Variants in PCBP3 observed in about 807,000 individuals in gnomAD.
PCBP3 encodes poly(rC)-binding protein 3.
In PCBP3, 25 loss-of-function variants were observed where a neutral mutation model predicts 52.7. That is an observed-to-expected ratio of 0.47 (90% CI 0.35 to 0.66). PCBP3 has a LOEUF of 0.66. PCBP3 is among the 30% of genes least tolerant of loss of function. The pLI is 0.01. For missense variants in PCBP3, 391 were observed against 490.3 expected (o/e 0.80, Z 1.91); for synonymous variants, 162 against 183.0 (o/e 0.89, Z 0.93).
chr21:45,913,951 T>G lies in PCBP3; in HGVS notation c.601T>G (p.Ser201Ala). Residue 201 changes from serine to alanine, a missense_variant and splice_region_variant, in exon 12 of 18, where the codon TCC (serine) becomes GCC (alanine). Physicochemically the swap from Ser to Ala is moderately conservative, Grantham distance 99 (BLOSUM62 1). Coordinates refer to ENST00000681687, the MANE Select transcript of PCBP3 (RefSeq NM_001384156.1). ...CTCCCTCTCCTGTCCCTTTTCCTAGTCCCCACCGAAAGGTGCCACCATTCC... is the reference window on the plus strand; with the variant it reads ...CTCCCTCTCCTGTCCCTTTTCCTAGGCCCCACCGAAAGGTGCCACCATTCC... ...VKQICVVMLE[S>A]PPKGATIPYR... 6.2e-7 allele frequency: 1 copy of G among 1,610,512 alleles called. No individual in the cohort carries two copies. Among genetic ancestry groups the G allele is most frequent in the Non-Finnish European group, 8.5e-7 (1 of 1,178,894 alleles).
chr21:45,769,507 C>G (rs2089672324), intron 4 of PCBP3, among the ~76,000 whole-genome samples: 1 of 152,266 alleles, frequency 6.6e-6, no homozygotes, highest in African/African-American at 2.4e-5. Context: ...ATGGGCGGCC[C>G]CTACTGTGCT....
At chr21:45,754,694 A>G (rs2087864683) in intron 3 of PCBP3, among the ~76,000 whole-genome samples, 1 of 152,200 alleles carries the variant, frequency 6.6e-6, no homozygotes, top group Non-Finnish European at 1.5e-5. Context: ...AGAGAAGCTA[A>G]TACTAGCTCC....
At chr21:45,854,494 C>T (rs2094189911) in intron 5 of PCBP3, among the ~76,000 whole-genome samples, 1 of 152,124 alleles carries the variant, frequency 6.6e-6, no homozygotes, top group Non-Finnish European at 1.5e-5. Context: ...GACCGCTACA[C>T]GTGGAATTAT....
chr21:45,895,870 C>T (rs975152490), intron 5 of PCBP3, among the ~76,000 whole-genome samples: 1 of 152,254 alleles, frequency 6.6e-6, no homozygotes, highest in Admixed American at 6.5e-5. Flanking sequence ...TGCAAGTCCC[C>T]TGGGCCTCAC....
At chr21:45,850,564 C>A (rs1025922183) in intron 5 of PCBP3, among the ~76,000 whole-genome samples, 7 of 152,196 alleles carry the variant, frequency 4.6e-5, no homozygotes, top group African/African-American at 1.7e-4. Flanking sequence ...CTACCATGAA[C>A]TTCTGTTGAT....
intron 12 of PCBP3, chr21:45,914,544 G>A (rs1199594364): frequency 5.8e-6 from 1 of 171,808 alleles, no homozygotes; most frequent in Non-Finnish European, 1.2e-5. Flanking sequence ...CGTCTGCTGT[G>A]AGCAGGGGCC....
chr21:45,856,013 G>A (rs2094279488), intron 5 of PCBP3, among the ~76,000 whole-genome samples: 1 of 152,166 alleles, frequency 6.6e-6, no homozygotes, highest in South Asian at 2.1e-4. Flanking sequence ...GACAGATAAA[G>A]TAGGAAACAG....
intron 9 of PCBP3, among the ~76,000 whole-genome samples, chr21:45,901,750 GAGAGAC>G (rs777627354): frequency 1.6e-4 from 24 of 150,846 alleles, no homozygotes; most frequent in Non-Finnish European, 2.8e-4. Context: ...CAGAAAGAGA[GAGAGAC>G]AGAGACAGAG....
chr21:45,862,858 A>G (rs950167768), intron 5 of PCBP3, among the ~76,000 whole-genome samples: 6 of 152,176 alleles, frequency 3.9e-5, no homozygotes, highest in Non-Finnish European at 8.8e-5. Context: ...AGTCTTGTGT[A>G]ACATGGTGGG....
chr21:45,737,891 G>A lies in PCBP3; in HGVS notation c.-162+2462G>A, dbSNP rs1569166362. Among the ~76,000 whole-genome samples, 1 of 152,220 alleles carries A rather than the reference G, an allele frequency of 6.6e-6. No homozygotes were observed. Among genetic ancestry groups the A allele is most frequent in the Non-Finnish European group, 1.5e-5 (1 of 68,040 alleles). On this transcript the variant is annotated intron_variant, in intron 3 of 17. Coordinates refer to ENST00000681687, the MANE Select transcript of PCBP3 (RefSeq NM_001384156.1). The surrounding 1 kb of genome is among the most constrained non-coding windows in gnomAD (Gnocchi z 4.9). ...AAGCAGAGCGGAGCTCATCTGAGTGGATGTTTCCCAGGGGAGCCAGTAGTT... is the reference window on the plus strand; with the variant it reads ...AAGCAGAGCGGAGCTCATCTGAGTGAATGTTTCCCAGGGGAGCCAGTAGTT...
intron 4 of PCBP3, among the ~76,000 whole-genome samples, chr21:45,795,417 CT>C (rs2091875388): frequency 6.7e-6 from 1 of 149,894 alleles, no homozygotes; most frequent in African/African-American, 2.5e-5. Context: ...TATAGAAAAT[CT>C]TAATTTTCAA....
At position 45,900,603 on chromosome 21, in the gene PCBP3, G is replaced by A. The variant is rs2096006800; in HGVS notation, c.202G>A (p.Val68Met). Residue 68 changes from valine (V) to methionine (M), a missense_variant, in exon 8 of 18, where the codon GTG becomes ATG. Coordinates refer to ENST00000681687, the MANE Select transcript of PCBP3 (RefSeq NM_001384156.1). ...GSIIGKKGETVKKMREESGAR... is the reference protein window; with the variant it reads ...GSIIGKKGETMKKMREESGAR... ...ATCTTTATTCCAGAAAGGAGAAACT[G>A]TGAAGAAGATGCGTGAGGAGGTGAG... is the stretch of plus-strand genomic sequence containing the variant. 6.5e-7 allele frequency: 1 copy of A among 1,536,522 alleles called. No homozygotes were observed. The highest frequency in any genetic ancestry group is 1.7e-5 in the Admixed American group (1 of 57,560).
At chr21:45,875,085 G>A (rs926332639) in intron 5 of PCBP3, among the ~76,000 whole-genome samples, 6 of 152,378 alleles carry the variant, frequency 3.9e-5, no homozygotes, top group South Asian at 2.1e-4. Context: ...CCCCTGACGC[G>A]GCACCTTCCT....
intron 7 of PCBP3, among the ~76,000 whole-genome samples, chr21:45,900,289 T>C (rs1335452270): frequency 6.6e-6 from 1 of 152,214 alleles, no homozygotes; most frequent in East Asian, 1.9e-4. Flanking sequence ...CACACTGCCA[T>C]GTGCCATGAG....
rs75838744 is a variant in PCBP3 at position 45,691,074 on chromosome 21, A to G, written c.-200+22122A>G. Among the ~76,000 whole-genome samples the G allele has an allele frequency of 4.8e-3, 735 of 152,264 alleles. 6 individuals carry two copies. The highest frequency in any genetic ancestry group is 0.017 in the African/African-American group (704 of 41,544). On this transcript the variant is annotated intron_variant, in intron 2 of 17. Coordinates refer to ENST00000681687, the MANE Select transcript of PCBP3 (RefSeq NM_001384156.1). ...TGCAAAGACATGTACAAAAGTGTTC[A>G]CAGTAGCTTTATTTATAATAGTTAA...
intron 11 of PCBP3, among the ~76,000 whole-genome samples, chr21:45,911,661 C>A (rs1338448574): frequency 6.6e-6 from 1 of 152,152 alleles, no homozygotes; most frequent in Non-Finnish European, 1.5e-5. Flanking sequence ...TCAACAGTTG[C>A]CAGTCTTTCC....
Position 45,646,671 on chromosome 21 carries a change from T to G in PCBP3, c.-279+2803T>G, listed in dbSNP as rs190342483. Among the ~76,000 whole-genome samples, 17 of 152,378 alleles carry G rather than the reference T, an allele frequency of 1.1e-4. No individual in the cohort carries two copies. In the South Asian group the frequency reaches 2.9e-3, roughly 26 times the overall value. ...GAGCCCTCTTGATCCAATCACCTCT[T>G]AAAGGTCCCACCTCTCAATACTGCT... On this transcript the variant is annotated intron_variant, in intron 1 of 17. Coordinates refer to ENST00000681687, the MANE Select transcript of PCBP3 (RefSeq NM_001384156.1).
At chr21:45,834,143 C>T (rs952683598) in intron 4 of PCBP3, among the ~76,000 whole-genome samples, 1 of 152,058 alleles carries the variant, frequency 6.6e-6, no homozygotes, top group Non-Finnish European at 1.5e-5. Flanking sequence ...CCACGGGGCC[C>T]AGGAGTCTGG....
intron 14 of PCBP3, 103 bp from the exon 15 acceptor site, chr21:45,930,683 G>A (rs903090042): frequency 1.2e-4 from 75 of 630,160 alleles, no homozygotes; most frequent in East Asian, 7.5e-4. Flanking sequence ...CAGAGAGAGC[G>A]CCGGTGCGTG....
Sources: allele counts gnomAD v4.1 joint callset (sites outside exome capture counted in the v4.1 genomes callset), GRCh38; gene constraint gnomAD v4.1.1; non-coding constraint Gnocchi (gnomAD v3.1); transcripts MANE v1.5; gene names NCBI Gene and HGNC (gene_info 2026-07-23, HGNC 2026-07-21).